The following SLC17A6 variants were observed in gnomAD, a reference collection of about 807,000 sequenced individuals.
SLC17A6 encodes the protein vesicular glutamate transporter 2.
SLC17A6 carries 35 observed loss-of-function variants against 67.1 expected under a neutral mutation model. The observed-to-expected ratio is 0.52, with a 90% confidence interval of 0.40 to 0.69. The LOEUF (loss-of-function observed/expected upper bound fraction) is 0.69. SLC17A6 is among the 30% of genes least tolerant of loss of function. The probability of loss-of-function intolerance (pLI) is 0.00; values close to 1 mark genes in which losing one functional copy is unlikely to be tolerated. For synonymous variants in SLC17A6, 285 were observed against 252.3 expected, an observed-to-expected ratio of 1.13 and a Z score of -1.23; for missense variants, 588 against 723.9, an observed-to-expected ratio of 0.81 and a Z score of 2.15.
At chr11:22,370,564 T>A (rs1279406892) in intron 8 of SLC17A6, among the ~76,000 whole-genome samples, 1 of 152,142 alleles carries the variant, frequency 6.6e-6, no homozygotes. Context: ...GAATTCTACT[T>A]ACAAATTTCC....
At chr11:22,363,106 T>C (rs1856070304) in intron 6 of SLC17A6, among the ~76,000 whole-genome samples, 1 of 152,146 alleles carries the variant, frequency 6.6e-6, no homozygotes. Flanking sequence ...AAATATTAAA[T>C]TAGCTCTTGA....
intron 3 of SLC17A6, among the ~76,000 whole-genome samples, chr11:22,348,809 A>T (rs940895519): frequency 6.6e-6 from 1 of 152,226 alleles, no homozygotes; most frequent in African/African-American, 2.4e-5. Flanking sequence ...CTTTAGGTAA[A>T]TATTCTGGCT....
chr11:22,349,562 G>A (rs929505819), intron 3 of SLC17A6, among the ~76,000 whole-genome samples: 9 of 152,104 alleles, frequency 5.9e-5, no homozygotes, highest in Non-Finnish European at 1.0e-4. Context: ...GGCTTTTCCC[G>A]CTGCTGCAGC....
chr11:22,366,103 AC>A (rs555515495), intron 7 of SLC17A6, among the ~76,000 whole-genome samples: 3 of 151,624 alleles, frequency 2.0e-5, no homozygotes, highest in Non-Finnish European at 4.4e-5. Flanking sequence ...CTATTCCAAG[AC>A]CCCCCGGGTT....
rs1855761898 is a variant in SLC17A6 at position 22,338,524 on chromosome 11, C to T, written c.-10C>T. On this transcript the variant is annotated 5_prime_UTR_variant, in exon 1 of 12. Transcript: ENST00000263160. ...AAATCTGGCAAGAACTGACAACAGTCTTTGCAAGAATGGAATCCGTAAAAC... is the reference window on the plus strand; with the variant it reads ...AAATCTGGCAAGAACTGACAACAGTTTTTGCAAGAATGGAATCCGTAAAAC... The T allele has an allele frequency of 6.3e-7, 1 of 1,597,968 alleles. No homozygotes were observed.
In SLC17A6 at chr11:22,338,607, G is replaced by T. The variant is rs763149167; in HGVS notation, c.74G>T (p.Gly25Val). The change falls in exon 1 of 12, where the codon GGC becomes GTC. Residue 25 changes from glycine (G) to valine (V), a missense_variant. Around this residue, in one of 4 missense-constraint regions of SLC17A6, gnomAD observed 117 missense variants for 98.7 expected, o/e 1.19. Transcript: ENST00000263160. ...GLKNFAGKSLGQIYRVLEKKQ... is the reference protein window; with the variant it reads ...GLKNFAGKSLVQIYRVLEKKQ... ...AAGAATTTTGCTGGAAAATCACTCG[G>T]CCAGATCTACAGGTAAGACAAAGCG... The T allele has an allele frequency of 6.2e-7, 1 of 1,612,806 alleles. No homozygotes were observed. Among genetic ancestry groups the T allele is most frequent in the African/African-American group, 1.3e-5 (1 of 74,920 alleles).
chr11:22,358,272 G>A (rs951855806), intron 3 of SLC17A6, among the ~76,000 whole-genome samples: 14 of 152,162 alleles, frequency 9.2e-5, no homozygotes, highest in African/African-American at 3.4e-4. Context: ...AAGTAACCGA[G>A]CTAAAGGAAT....
intron 8 of SLC17A6, among the ~76,000 whole-genome samples, chr11:22,370,974 T>A (rs1444715287): frequency 6.6e-6 from 1 of 152,106 alleles, no homozygotes; most frequent in African/African-American, 2.4e-5. Context: ...ACCTTTGTTG[T>A]TTGACCTGTT....
Position 22,378,173 on chromosome 11 carries a change from G to A in SLC17A6, c.*433G>A, listed in dbSNP as rs1478444884. 4 of 166,800 alleles carry A rather than the reference G, an allele frequency of 2.4e-5. No individual in the cohort carries two copies. The highest frequency in any genetic ancestry group is 1.7e-4 in the East Asian group (1 of 5,820). 10.3% of individuals were successfully genotyped at this position (166,800 alleles called of 1,614,324 possible). Reference sequence around the variant, plus strand: ...GAAGTTGGCTGCGTCAAGTAGAGGCGACATTTATTAAGTGAAAATCATGGA... The same window carrying A: ...GAAGTTGGCTGCGTCAAGTAGAGGCAACATTTATTAAGTGAAAATCATGGA... On this transcript the variant is annotated 3_prime_UTR_variant, in exon 12 of 12. Coordinates refer to ENST00000263160, the MANE Select transcript of SLC17A6 (RefSeq NM_020346.3).
chr11:22,342,790 G>T (rs1855832738), intron 2 of SLC17A6: 1 of 347,262 alleles, frequency 2.9e-6, no homozygotes, highest in Non-Finnish European at 5.7e-6. Flanking sequence ...TTCACCATTT[G>T]CTCCCCACCT....
chr11:22,338,812 GGTGTGTGTGTGTGTGTGT>G (rs3047441), intron 1 of SLC17A6, among the ~76,000 whole-genome samples, 193 bp downstream of exon 1: 11 of 136,244 alleles, frequency 8.1e-5, no homozygotes, highest in Admixed American at 6.1e-4. Context: ...GAACCTGTCT[GGTGTGTGTGTGTGTGTGT>G]GTGTGTGTGT....
chr11:22,374,516 C>T (rs1165604603), intron 8 of SLC17A6, among the ~76,000 whole-genome samples: 1 of 109,462 alleles, frequency 9.1e-6, no homozygotes, highest in East Asian at 2.3e-4. Flanking sequence ...TTTACTGATG[C>T]ATTACGTGGC....
rs2133881561 is a variant in SLC17A6 at position 22,378,496 on chromosome 11, T to C, written c.*756T>C. ...TCACATAACTTTTTTGCAAAAAATA[T>C]AAAAAGAAATAAACTTCAATGTATT... On this transcript the variant is annotated 3_prime_UTR_variant, in exon 12 of 12. Transcript: ENST00000263160. The C allele has an allele frequency of 6.6e-6, 1 of 152,520 alleles. No homozygotes were observed. The highest frequency in any genetic ancestry group is 1.9e-4 in the East Asian group (1 of 5,182). 9.4% of individuals were successfully genotyped at this position (152,520 alleles called of 1,614,324 possible). A position where few individuals can be genotyped will look rare whatever the true frequency, so the allele number is the denominator to read the frequency against.
chr11:22,362,722 T>G lies in SLC17A6; in HGVS notation c.662-17T>G, dbSNP rs1341221310. The G allele has an allele frequency of 1.9e-6, 3 of 1,606,212 alleles. No homozygotes were observed. The highest frequency in any genetic ancestry group is 2.6e-6 in the Non-Finnish European group (3 of 1,172,924). ...CTGATTTCACTCACCTTTCTCCCAT[T>G]CTTCCTTACACTTTAGGTTCCTATG... On this transcript the variant is annotated splice_polypyrimidine_tract_variant and intron_variant, in intron 5 of 11. Transcript: ENST00000263160.
intron 5 of SLC17A6, 48 bp downstream of exon 5, chr11:22,361,032 C>G: frequency 6.6e-7 from 1 of 1,523,838 alleles, no homozygotes; most frequent in Non-Finnish European, 9.1e-7. Context: ...AGTTTAGGAA[C>G]AACTTGAATA....
chr11:22,362,285 G>T, intron 5 of SLC17A6: 1 of 420,938 alleles, frequency 2.4e-6, no homozygotes, highest in South Asian at 2.2e-5. Context: ...TACTAACAAA[G>T]AGACCGCTGG....
chr11:22,346,026 A>G (rs1855871806), intron 3 of SLC17A6, among the ~76,000 whole-genome samples: 1 of 152,234 alleles, frequency 6.6e-6, no homozygotes, highest in South Asian at 2.1e-4. Context: ...AGTAAAGACA[A>G]AACAGCAAAA....
chr11:22,372,154 A>G (rs1856181557), intron 8 of SLC17A6, among the ~76,000 whole-genome samples: 2 of 152,110 alleles, frequency 1.3e-5, no homozygotes, highest in Admixed American at 6.6e-5. Context: ...AGAAAAAAAT[A>G]TGAGTGCAAT....
chr11:22,375,440 CA>C (rs1450411874), intron 9 of SLC17A6, among the ~76,000 whole-genome samples: 2 of 151,976 alleles, frequency 1.3e-5, no homozygotes, highest in African/African-American at 4.8e-5. Context: ...TCACCTCTTC[CA>C]ATCATTGAAA....
Sources: allele counts gnomAD v4.1 joint callset (sites outside exome capture counted in the v4.1 genomes callset), GRCh38; gene constraint gnomAD v4.1.1; regional missense constraint gnomAD v4.1.1; transcripts MANE v1.5; gene names NCBI Gene and HGNC (gene_info 2026-07-23, HGNC 2026-07-21).